The following GPRC5A variants were observed in gnomAD, a reference collection of about 807,000 sequenced individuals.
GPRC5A encodes the protein G protein-coupled receptor class C group 5 member A.
A neutral mutation model predicts 22.5 loss-of-function variants in GPRC5A; 19 were observed. The ratio of observed to expected loss-of-function variants is 0.85; its 90% CI spans 0.59 to 1.24. GPRC5A has a LOEUF of 1.24. GPRC5A is among the 50% of genes most tolerant of loss of function. The pLI is 0.00. For synonymous variants in GPRC5A, 192 were observed against 184.5 expected (o/e 1.04, Z -0.33); for missense variants, 471 against 451.1 (o/e 1.04, Z -0.40).
intron 1 of GPRC5A, among the ~76,000 whole-genome samples, chr12:12,899,021 T>C (rs913067166): frequency 3.0e-4 from 45 of 152,246 alleles, no homozygotes; most frequent in African/African-American, 1.1e-3. Flanking sequence ...CACAATTTTA[T>C]ATTTATTTAT....
intron 1 of GPRC5A, among the ~76,000 whole-genome samples, chr12:12,905,042 GC>G (rs1182902458): frequency 1.3e-5 from 2 of 151,978 alleles, no homozygotes; most frequent in East Asian, 3.9e-4. Flanking sequence ...GTGCCACTAT[GC>G]CTGGCTAATT....
rs1265694204 is a variant in GPRC5A, at chr12:12,917,080, C to G, written c.*4541C>G. On this transcript the variant is annotated 3_prime_UTR_variant, in exon 4 of 4. Transcript: ENST00000014914. ...AGATCCAGGAACTGGGAAATCAACC[C>G]CCAGTTTGTAGATTGCTCTCTTTGG... The G allele has an allele frequency of 2.0e-5, 3 of 152,154 alleles. No homozygotes were observed. Among genetic ancestry groups the G allele is most frequent in the African/African-American group, 7.2e-5 (3 of 41,412 alleles). The allele number at this position is 152,154 out of a possible 1,614,324, so 9.4% of individuals were successfully genotyped here. A position where few individuals can be genotyped will look rare whatever the true frequency, so the allele number is the denominator to read the frequency against.
Position 12,912,158 on chromosome 12 carries a change from C to T in GPRC5A, c.981+16C>T. On this transcript the variant is annotated intron_variant, in intron 3 of 3. Transcript: ENST00000014914. ...TCAGCTGCAGGTAAGTGATTTTTTTCTCCCTCTTCATCAAAGGCATTAGCA... is the reference window on the plus strand; with the variant it reads ...TCAGCTGCAGGTAAGTGATTTTTTTTTCCCTCTTCATCAAAGGCATTAGCA... 11 of 1,581,020 alleles carry T rather than the reference C, an allele frequency of 7.0e-6. No homozygotes were observed. The highest frequency in any genetic ancestry group is 8.7e-6 in the Non-Finnish European group (10 of 1,149,978).
chr12:12,911,095 A>G (rs1010092891), intron 2 of GPRC5A, among the ~76,000 whole-genome samples: 1 of 151,716 alleles, frequency 6.6e-6, no homozygotes, highest in Non-Finnish European at 1.5e-5. Flanking sequence ...CTGGTCTCGA[A>G]CTCCTGACCT....
chr12:12,900,898 A>AC (rs1325938165), intron 1 of GPRC5A, among the ~76,000 whole-genome samples: 2 of 126,200 alleles, frequency 1.6e-5, no homozygotes, highest in African/African-American at 7.3e-5. Flanking sequence ...TCTCAAAAAA[A>AC]AAAAAAAAAA....
Position 12,906,198 on chromosome 12 carries a change from T to A in GPRC5A, c.-7-2045T>A, listed in dbSNP as rs116482244. On this transcript the variant is annotated intron_variant, in intron 1 of 3. Transcript: ENST00000014914. ...ACTTCTCTGCCTCAGTTTCCTCATC[T>A]GTAAAATAGGATAATAGTTTTACCT... Among the ~76,000 whole-genome samples the A allele has an allele frequency of 2.6e-3, 399 of 152,372 alleles. 4 individuals are homozygous for A. The highest frequency in any genetic ancestry group is 9.1e-3 in the African/African-American group (380 of 41,594).
At chr12:12,900,333 G>A (rs1360176854) in intron 1 of GPRC5A, among the ~76,000 whole-genome samples, 1 of 152,212 alleles carries the variant, frequency 6.6e-6, no homozygotes, top group African/African-American at 2.4e-5. Flanking sequence ...AGCTCCCCAG[G>A]TGGGTGAACG....
rs1555105848 is a variant in GPRC5A, at chr12:12,914,596, C to CTTTCTTTCTTTCTTTA, written c.*2058_*2059insTTCTTTCTTTCTTTAT. 1 of 101,062 alleles carries CTTTCTTTCTTTCTTTA rather than the reference C, an allele frequency of 9.9e-6. No homozygotes were observed. The highest frequency in any genetic ancestry group is 2.0e-5 in the Non-Finnish European group (1 of 49,560). The allele number at this position is 101,062 out of a possible 1,614,324, so 6.3% of individuals were successfully genotyped here. On this transcript the variant is annotated 3_prime_UTR_variant, in exon 4 of 4. Coordinates refer to ENST00000014914, the MANE Select transcript of GPRC5A (RefSeq NM_003979.4). ...TCTTTCTTTCTTTCTTTCTTTCTTT[C>CTTTCTTTCTTTCTTTA]TCTCTCTCTCTCTCTCTCTCTTTCT...
In GPRC5A at chr12:12,915,963, G is replaced by A. The variant is rs370474815; in HGVS notation, c.*3424G>A. On this transcript the variant is annotated 3_prime_UTR_variant, in exon 4 of 4. Coordinates refer to ENST00000014914, the MANE Select transcript of GPRC5A (RefSeq NM_003979.4). ...CACCCCTCCTCCCACTGCTGCGGCT[G>A]TTAACTCATCTTCAGGTCTCACACC... The A allele has an allele frequency of 1.7e-4, 78 of 460,908 alleles. No individual in the cohort carries two copies. Among genetic ancestry groups the A allele is most frequent in the African/African-American group, 1.2e-3 (60 of 49,502 alleles). 28.6% of individuals were successfully genotyped at this position (460,908 alleles called of 1,614,324 possible). A position where few individuals can be genotyped will look rare whatever the true frequency, so the allele number is the denominator to read the frequency against.
chr12:12,913,898 C>A lies in GPRC5A; in HGVS notation c.*1359C>A, dbSNP rs973136176. The A allele has an allele frequency of 6.6e-6, 1 of 152,210 alleles. No homozygotes were observed. Among genetic ancestry groups the A allele is most frequent in the Non-Finnish European group, 1.5e-5 (1 of 68,056 alleles). The allele number at this position is 152,210 out of a possible 1,614,324, so 9.4% of individuals were successfully genotyped here. The stretch of plus-strand genomic sequence containing the variant: ...TCCAGAAAAGCAGAGGAGTGGCAAC[C>A]TTGGCTTGGGGTTTGGCAGCCCAGG... On this transcript the variant is annotated 3_prime_UTR_variant, in exon 4 of 4. Coordinates refer to ENST00000014914, the MANE Select transcript of GPRC5A (RefSeq NM_003979.4).
chr12:12,902,345 G>A (rs1365000358), intron 1 of GPRC5A, among the ~76,000 whole-genome samples: 17 of 145,198 alleles, frequency 1.2e-4, no homozygotes, highest in Admixed American at 1.1e-3. Flanking sequence ...AGACTAAGAT[G>A]GTTTTTTTTT....
At position 12,917,880 on chromosome 12, in the gene GPRC5A, C is replaced by T. The variant is rs1217114500; in HGVS notation, c.*5341C>T. On this transcript the variant is annotated 3_prime_UTR_variant, in exon 4 of 4. Coordinates refer to ENST00000014914, the MANE Select transcript of GPRC5A (RefSeq NM_003979.4). ...TCACATCATTTCAGTTTTTAGCCCT[C>T]ATGACTGTATTTTCTAATCAGAGAC... 1.3e-5 allele frequency: 2 copies of T among 152,140 alleles called. No homozygotes were observed. The highest frequency in any genetic ancestry group is 4.8e-5 in the African/African-American group (2 of 41,418). 9.4% of individuals were successfully genotyped at this position (152,140 alleles called of 1,614,324 possible).
rs868165363 is a variant in GPRC5A at position 12,913,381 on chromosome 12, C to T, written c.*842C>T. On this transcript the variant is annotated 3_prime_UTR_variant, in exon 4 of 4. Coordinates refer to ENST00000014914, the MANE Select transcript of GPRC5A (RefSeq NM_003979.4). ...CTGTCAATTCCGAGATCTAATCTCC[C>T]CCTACGCTCTGCCAGGAATTCTTTC... 1 of 152,498 alleles carries T rather than the reference C, an allele frequency of 6.6e-6. No homozygotes were observed. Among genetic ancestry groups the T allele is most frequent in the Non-Finnish European group, 1.5e-5 (1 of 68,098 alleles). 9.4% of individuals were successfully genotyped at this position (152,498 alleles called of 1,614,324 possible).
intron 1 of GPRC5A, among the ~76,000 whole-genome samples, chr12:12,903,697 A>G (rs1247922513): frequency 6.6e-6 from 1 of 152,116 alleles, no homozygotes; most frequent in African/African-American, 2.4e-5. Flanking sequence ...TCTTCTCTTT[A>G]CACCCACTGC....
chr12:12,896,442 T>C (rs1030558546), intron 1 of GPRC5A, among the ~76,000 whole-genome samples: 3 of 152,222 alleles, frequency 2.0e-5, no homozygotes, highest in African/African-American at 7.2e-5. Flanking sequence ...GAGATTTCCC[T>C]GTAGACGCTT....
In GPRC5A at chr12:12,908,451, C is replaced by G. The variant is rs765244435; in HGVS notation, c.202C>G (p.Gln68Glu). 6 of 1,614,032 alleles carry G rather than the reference C, an allele frequency of 3.7e-6. No individual in the cohort carries two copies. In the South Asian group the frequency reaches 6.6e-5, roughly 18 times the overall value. ...DSNRRKMLPT[Q>E]FLFLLGVLGI... ...CAACAGGCGAAAAATGCTGCCTACT[C>G]AGTTTCTCTTCCTCCTGGGTGTGTT... Residue 68 changes from glutamine to glutamate, a missense_variant, in exon 2 of 4, where the codon CAG becomes GAG. Transcript: ENST00000014914.
intron 1 of GPRC5A, among the ~76,000 whole-genome samples, chr12:12,905,273 G>A (rs1863929633): frequency 6.6e-6 from 1 of 152,138 alleles, no homozygotes; most frequent in Non-Finnish European, 1.5e-5. Flanking sequence ...TTCCCAACCC[G>A]AGTCCTTCCT....
chr12:12,901,489 GTCC>G (rs1358353764), intron 1 of GPRC5A, among the ~76,000 whole-genome samples: 3 of 152,040 alleles, frequency 2.0e-5, no homozygotes, highest in African/African-American at 7.2e-5. Flanking sequence ...CGAGCAGCCC[GTCC>G]TCCTCCTGAC....
Position 12,908,787 on chromosome 12 carries a change from C to A in GPRC5A, c.538C>A (p.Leu180Met). ...APRRNEDFVL[L>M]LTYVLFLMAL... ...TCGTCGCAATGAAGACTTTGTCCTC[C>A]TGCTCACCTACGTCCTCTTCTTGAT... The change falls in exon 2 of 4, where the codon CTG (leucine) becomes ATG (methionine). Residue 180 changes from leucine (L) to methionine (M), a missense_variant. Physicochemically the swap from Leu to Met is conservative, Grantham distance 15. Coordinates refer to ENST00000014914, the MANE Select transcript of GPRC5A (RefSeq NM_003979.4). The A allele has an allele frequency of 6.2e-7, 1 of 1,614,208 alleles. No individual in the cohort carries two copies. The highest frequency in any genetic ancestry group is 1.1e-5 in the South Asian group (1 of 91,082).
Sources: allele counts gnomAD v4.1 joint callset (sites outside exome capture counted in the v4.1 genomes callset), GRCh38; gene constraint gnomAD v4.1.1; transcripts MANE v1.5; gene names NCBI Gene and HGNC (gene_info 2026-07-23, HGNC 2026-07-21).